The following NPR3 variants were observed in gnomAD, a reference collection of about 807,000 sequenced individuals.
NPR3 encodes the protein atrial natriuretic peptide receptor 3.
In NPR3, 34 loss-of-function variants were observed where a neutral mutation model predicts 54.5. The observed-to-expected ratio is 0.62, with a 90% CI of 0.47 to 0.83. NPR3 has a LOEUF of 0.83. Ranked by LOEUF, NPR3 falls within the 40% of genes least tolerant of loss-of-function variation. NPR3 has a pLI of 0.00. For missense variants in NPR3, 674 were observed against 720.8 expected (o/e 0.94, Z 0.74); for synonymous variants, 289 against 297.1 (o/e 0.97, Z 0.28).
intron 1 of NPR3, chr5:32,713,380 G>A (rs956508307): frequency 1.0e-6 from 1 of 985,478 alleles, no homozygotes; most frequent in Admixed American, 6.1e-5. Context: ...TGGTGGCTAT[G>A]GCTTCGGGGA....
At position 32,738,984 on chromosome 5, in the gene NPR3, A is replaced by G. The variant is rs546720408; in HGVS notation, c.1013A>G (p.Glu338Gly). 1 of 1,613,976 alleles carries G rather than the reference A, an allele frequency of 6.2e-7. No individual in the cohort carries two copies. Among genetic ancestry groups the G allele is most frequent in the Non-Finnish European group, 8.5e-7 (1 of 1,179,870 alleles). Residue 338 changes from glutamate (E) to glycine (G), a missense_variant, in exon 3 of 8, where the codon GAG becomes GGG. By Grantham distance (98) the Glu-to-Gly change is moderately conservative. Transcript: ENST00000265074. ...CCTGAGTTTGAGAAGTTTTCCATGGAGGTGAAAAGTTCAGTTGAGAAACAA... is the reference window on the plus strand; with the variant it reads ...CCTGAGTTTGAGAAGTTTTCCATGGGGGTGAAAAGTTCAGTTGAGAAACAA... ...VKPEFEKFSM[E>G]VKSSVEKQGL... is the part of the protein sequence containing the mutation.
intron 2 of NPR3, among the ~76,000 whole-genome samples, chr5:32,726,668 A>G (rs1470420618): frequency 6.6e-6 from 1 of 152,248 alleles, no homozygotes; most frequent in Non-Finnish European, 1.5e-5. Context: ...AATGTTAGGT[A>G]CTAGAATTCC....
At chr5:32,694,658 GA>G (rs1740480746) in intron 1 of NPR3, among the ~76,000 whole-genome samples, 1 of 152,086 alleles carries the variant, frequency 6.6e-6, no homozygotes. Context: ...GGGTGAATGG[GA>G]TATCCATAAC....
chr5:32,778,932 G>T (rs147371347), intron 4 of NPR3, among the ~76,000 whole-genome samples: 138 of 152,310 alleles, frequency 9.1e-4, no homozygotes, highest in Middle Eastern at 3.4e-3. Context: ...TATATTTTAA[G>T]CCTATTTATC....
rs1742824746 is a variant in NPR3, at chr5:32,789,918, AC to A, written c.*3574del. On this transcript the variant is annotated 3_prime_UTR_variant, in exon 8 of 8. Coordinates refer to ENST00000265074, the MANE Select transcript of NPR3 (RefSeq NM_001204375.2). ...TGTGAGTGTTTATAAACTGGAAGGA[AC>A]AAGTACCTGTGTTTCTTGGGACACA... 2.7e-6 allele frequency: 1 copy of A among 371,278 alleles called. No homozygotes were observed. The highest frequency in any genetic ancestry group is 3.8e-5 in the Admixed American group (1 of 26,606). 23.0% of individuals were successfully genotyped at this position (371,278 alleles called of 1,614,324 possible).
intron 3 of NPR3, among the ~76,000 whole-genome samples, chr5:32,769,518 A>C (rs1741642420): frequency 6.6e-6 from 1 of 152,050 alleles, no homozygotes; most frequent in African/African-American, 2.4e-5. Context: ...CTCCCCTTCA[A>C]CCAAAATGGG....
At chr5:32,751,284 GA>G (rs888553798) in intron 3 of NPR3, among the ~76,000 whole-genome samples, 2 of 152,294 alleles carry the variant, frequency 1.3e-5, no homozygotes, top group African/African-American at 2.4e-5. Context: ...AGAAAAAGGT[GA>G]AAAATATTTG....
At chr5:32,720,428 T>C (rs1738791040) in intron 1 of NPR3, among the ~76,000 whole-genome samples, 1 of 152,230 alleles carries the variant, frequency 6.6e-6, no homozygotes, top group Non-Finnish European at 1.5e-5. Context: ...TTTGATTCTC[T>C]GAATTGACTT....
intron 3 of NPR3, among the ~76,000 whole-genome samples, chr5:32,771,165 CT>C (rs1741738037): frequency 6.6e-6 from 1 of 151,452 alleles, no homozygotes; most frequent in African/African-American, 2.4e-5. Context: ...TGAGAATGTT[CT>C]TCTCAAGAAA....
intron 3 of NPR3, among the ~76,000 whole-genome samples, chr5:32,742,878 T>C (rs938893904): frequency 6.6e-6 from 1 of 152,210 alleles, no homozygotes; most frequent in East Asian, 1.9e-4. Context: ...TCTTTGGACA[T>C]AGATTTTTTT....
intron 1 of NPR3, among the ~76,000 whole-genome samples, chr5:32,721,956 C>T (rs1738887143): frequency 6.6e-6 from 1 of 152,118 alleles, no homozygotes; most frequent in Non-Finnish European, 1.5e-5. Flanking sequence ...TTCTAAACTG[C>T]CAGTCCCATC....
chr5:32,734,009 T>C (rs1302744006), intron 2 of NPR3, among the ~76,000 whole-genome samples: 1 of 152,162 alleles, frequency 6.6e-6, no homozygotes, highest in Non-Finnish European at 1.5e-5. Flanking sequence ...ATCTGTAAAA[T>C]AGGGATTATA....
In NPR3 at chr5:32,787,469, C is replaced by T. The variant is rs1455441695; in HGVS notation, c.*1124C>T. On this transcript the variant is annotated 3_prime_UTR_variant, in exon 8 of 8. Transcript: ENST00000265074. ...TTATAAAGGGAGGCAGCCCTTTTCC[C>T]TCAAGAACAACTTTGTTGAGAGTTA... 6.6e-6 allele frequency: 1 copy of T among 152,164 alleles called. No individual in the cohort carries two copies. Among genetic ancestry groups the T allele is most frequent in the Non-Finnish European group, 1.5e-5 (1 of 68,026 alleles). 9.4% of individuals were successfully genotyped at this position (152,164 alleles called of 1,614,324 possible). A position where few individuals can be genotyped will look rare whatever the true frequency, so the allele number is the denominator to read the frequency against.
chr5:32,776,948 G>A (rs1373912364), intron 4 of NPR3, among the ~76,000 whole-genome samples: 1 of 152,158 alleles, frequency 6.6e-6, no homozygotes, highest in Non-Finnish European at 1.5e-5. Context: ...AGTGAGGGAA[G>A]CTCTGTAGAT....
chr5:32,711,540 C>A lies in NPR3; in HGVS notation c.-237C>A, dbSNP rs1051051890. Reference sequence around the variant, plus strand: ...ATATTACAGACGCACAGGTTTACACCCGGTGAACTTTTTCTTTTTCTTTTT... The same window carrying A: ...ATATTACAGACGCACAGGTTTACACACGGTGAACTTTTTCTTTTTCTTTTT... On this transcript the variant is annotated 5_prime_UTR_variant, in exon 1 of 8. Coordinates refer to ENST00000265074, the MANE Select transcript of NPR3 (RefSeq NM_001204375.2). 8 of 730,120 alleles carry A rather than the reference C, an allele frequency of 1.1e-5. No homozygotes were observed. In the African/African-American group the frequency reaches 1.8e-4, roughly 17 times the overall value. 45.2% of individuals were successfully genotyped at this position (730,120 alleles called of 1,614,324 possible).
intron 1 of NPR3, 97 bp downstream of exon 1, chr5:32,712,642 T>A: frequency 1.7e-6 from 2 of 1,210,342 alleles, no homozygotes; most frequent in Non-Finnish European, 1.1e-6. Context: ...CACTCCCCAC[T>A]GCGGCGCTGA....
In NPR3 at chr5:32,789,682, G is replaced by A. The variant is rs1416863288; in HGVS notation, c.*3337G>A. On this transcript the variant is annotated 3_prime_UTR_variant, in exon 8 of 8. Coordinates refer to ENST00000265074, the MANE Select transcript of NPR3 (RefSeq NM_001204375.2). ...CACATGTGCCTTCTTTGCCCCAAAT[G>A]CATCACTTTCCTTTTAGTTATGGCT... The A allele has an allele frequency of 1.9e-6, 1 of 534,578 alleles. No homozygotes were observed. The highest frequency in any genetic ancestry group is 1.9e-5 in the African/African-American group (1 of 51,948). The allele number at this position is 534,578 out of a possible 1,614,324, so 33.1% of individuals were successfully genotyped here. A position where few individuals can be genotyped will look rare whatever the true frequency, so the allele number is the denominator to read the frequency against.
intron 2 of NPR3, among the ~76,000 whole-genome samples, chr5:32,735,464 T>C (rs560420500): frequency 7.0e-6 from 1 of 142,544 alleles, no homozygotes; most frequent in South Asian, 2.3e-4. Flanking sequence ...AAATTTACTA[T>C]ATTCAGAAAA....
chr5:32,700,967 G>A (rs1185459991), intron 1 of NPR3, among the ~76,000 whole-genome samples: 1 of 152,122 alleles, frequency 6.6e-6, no homozygotes. Context: ...TTGAGAAATC[G>A]CCACACTGTG....
Sources: allele counts gnomAD v4.1 joint callset (sites outside exome capture counted in the v4.1 genomes callset), GRCh38; gene constraint gnomAD v4.1.1; transcripts MANE v1.5; gene names NCBI Gene and HGNC (gene_info 2026-07-23, HGNC 2026-07-21).